Variants in NKAIN3 observed in about 807,000 individuals in gnomAD.
The protein encoded by NKAIN3 is sodium/potassium transporting ATPase interacting 3.
A neutral mutation model predicts 30.2 loss-of-function variants in NKAIN3; 25 were observed. The observed-to-expected ratio is 0.83, with a 90% CI of 0.60 to 1.16. NKAIN3 has a LOEUF of 1.16. Ranked by LOEUF, NKAIN3 falls within the 50% of genes most tolerant of loss-of-function variation. NKAIN3 has a pLI of 0.00. For missense variants in NKAIN3, 225 were observed against 254.1 expected (o/e 0.89, Z 0.78); for synonymous variants, 91 against 89.6 (o/e 1.02, Z -0.09).
At chr8:62,524,355 T>A (rs1808239249) in intron 1 of NKAIN3, among the ~76,000 whole-genome samples, 1 of 152,082 alleles carries the variant, frequency 6.6e-6, no homozygotes, top group South Asian at 2.1e-4. Context: ...ATCTCCAAAG[T>A]TTTCCACTAC....
At chr8:62,269,927 C>G (rs1812729854) in intron 1 of NKAIN3, among the ~76,000 whole-genome samples, 1 of 152,114 alleles carries the variant, frequency 6.6e-6, no homozygotes. Context: ...CTAAAAATTT[C>G]CATGTACTTT....
intron 1 of NKAIN3, among the ~76,000 whole-genome samples, chr8:62,459,045 T>C (rs1805905493): frequency 7.5e-6 from 1 of 134,050 alleles, no homozygotes; most frequent in Non-Finnish European, 1.6e-5. Flanking sequence ...AGAGTTTATG[T>C]GTGTGTTGTC....
chr8:62,378,345 A>G (rs992878589), intron 1 of NKAIN3, among the ~76,000 whole-genome samples: 1 of 152,240 alleles, frequency 6.6e-6, no homozygotes, highest in Non-Finnish European at 1.5e-5. Flanking sequence ...ATGCAGTAGA[A>G]AAGACAAACC....
intron 4 of NKAIN3, among the ~76,000 whole-genome samples, chr8:62,915,346 C>A: frequency 6.6e-6 from 1 of 152,122 alleles, no homozygotes; most frequent in East Asian, 1.9e-4. Context: ...GCATCCTTAA[C>A]AGTAGGACAG....
At chr8:62,616,832 A>T (rs962366151) in intron 3 of NKAIN3, among the ~76,000 whole-genome samples, 1 of 152,058 alleles carries the variant, frequency 6.6e-6, no homozygotes, top group African/African-American at 2.4e-5. Flanking sequence ...ATTAAAATAA[A>T]CTCGGCAATA....
intron 4 of NKAIN3, among the ~76,000 whole-genome samples, chr8:62,846,013 G>A: frequency 6.6e-6 from 1 of 152,164 alleles, no homozygotes; most frequent in East Asian, 1.9e-4. Flanking sequence ...AATTCAGAAT[G>A]TCAAGTTTCT....
At chr8:62,717,837 C>A (rs1814956455) in intron 3 of NKAIN3, among the ~76,000 whole-genome samples, 1 of 152,052 alleles carries the variant, frequency 6.6e-6, no homozygotes, top group Non-Finnish European at 1.5e-5. Context: ...AACATGACTG[C>A]CTTTAGGTTA....
intron 3 of NKAIN3, among the ~76,000 whole-genome samples, chr8:62,677,020 A>G (rs1813498996): frequency 6.6e-6 from 1 of 152,090 alleles, no homozygotes; most frequent in Non-Finnish European, 1.5e-5. Context: ...CACCGGCCCA[A>G]TATAGAAATT....
At position 62,345,542 on chromosome 8, in the gene NKAIN3, T is replaced by C. The variant is rs956246557; in HGVS notation, c.54+96415T>C. Reference sequence around the variant, plus strand: ...ATATATGTATATATACACACATATATACACATATATGTATATATACACATA... The same window carrying C: ...ATATATGTATATATACACACATATACACACATATATGTATATATACACATA... On this transcript the variant is annotated intron_variant, in intron 1 of 6. Coordinates refer to ENST00000623646, the MANE Select transcript of NKAIN3 (RefSeq NM_001304533.3). 7.5e-4 allele frequency among the ~76,000 whole-genome samples: 107 copies of C among 142,768 alleles called. 1 individual carries two copies. The highest frequency in any genetic ancestry group is 3.8e-3 in the East Asian group (16 of 4,200). The allele number at this position is 142,768 out of a possible 152,430, so 93.7% of individuals were successfully genotyped here.
At chr8:62,267,995 A>T (rs545313666) in intron 1 of NKAIN3, among the ~76,000 whole-genome samples, 1 of 152,188 alleles carries the variant, frequency 6.6e-6, no homozygotes, top group Non-Finnish European at 1.5e-5. Flanking sequence ...TAAAAAATCT[A>T]ATTTCTTAAC....
At chr8:62,927,608 T>C (rs1207700938) in intron 5 of NKAIN3, among the ~76,000 whole-genome samples, 1 of 152,180 alleles carries the variant, frequency 6.6e-6, no homozygotes, top group Non-Finnish European at 1.5e-5. Context: ...ACTATGTACA[T>C]CTATTATGCC....
chr8:62,889,832 G>T (rs1586314494), intron 4 of NKAIN3, among the ~76,000 whole-genome samples: 1 of 152,138 alleles, frequency 6.6e-6, no homozygotes, highest in Non-Finnish European at 1.5e-5. Context: ...ACATTGGGAT[G>T]AGCGTGGCAT....
At position 62,870,482 on chromosome 8, in the gene NKAIN3, A is replaced by T. The variant is rs561940120; in HGVS notation, c.472-47971A>T. ...TGTATATACATATATATTGTATATA[A>T]TGTACAATAAGTACAATATATACAA... On this transcript the variant is annotated intron_variant, in intron 4 of 6. Transcript: ENST00000623646. 1.8e-4 allele frequency among the ~76,000 whole-genome samples: 25 copies of T among 137,200 alleles called. No homozygotes were observed. The East Asian group carries it at 4.6e-3, about 25-fold the overall frequency. The allele number at this position is 137,200 out of a possible 152,430, so 90.0% of individuals were successfully genotyped here.
Position 62,984,324 on chromosome 8 carries a change from A to C in NKAIN3, c.*18917A>C, listed in dbSNP as rs1824154090. 6.6e-6 allele frequency: 1 copy of C among 152,240 alleles called. No individual in the cohort carries two copies. The highest frequency in any genetic ancestry group is 6.5e-5 in the Admixed American group (1 of 15,284). 9.4% of individuals were successfully genotyped at this position (152,240 alleles called of 1,614,324 possible). ...TGCTGGTAAGAGGGACAGAAAGACA[A>C]GAACATAGTACCTTCTATTTCTACT... On this transcript the variant is annotated 3_prime_UTR_variant, in exon 7 of 7. Transcript: ENST00000623646.
chr8:62,661,425 T>C (rs774034272), intron 3 of NKAIN3, among the ~76,000 whole-genome samples: 1 of 152,218 alleles, frequency 6.6e-6, no homozygotes, highest in African/African-American at 2.4e-5. Flanking sequence ...ATAAAGAGCA[T>C]TTTTTAATTT....
chr8:62,698,600 C>T (rs897156467), intron 3 of NKAIN3, among the ~76,000 whole-genome samples: 3 of 152,140 alleles, frequency 2.0e-5, no homozygotes, highest in Non-Finnish European at 2.9e-5. Context: ...CTCAGAATTA[C>T]GCTACATATA....
At chr8:62,537,245 G>C (rs1302684889) in intron 1 of NKAIN3, among the ~76,000 whole-genome samples, 1 of 152,150 alleles carries the variant, frequency 6.6e-6, no homozygotes, top group East Asian at 1.9e-4. Flanking sequence ...TATTGGTGTG[G>C]CTCAGGAACA....
intron 4 of NKAIN3, among the ~76,000 whole-genome samples, chr8:62,889,844 AC>A (rs760366606): frequency 3.3e-5 from 5 of 152,148 alleles, no homozygotes; most frequent in Non-Finnish European, 5.9e-5. Flanking sequence ...GCGTGGCATA[AC>A]TTTTAATTAG....
intron 4 of NKAIN3, among the ~76,000 whole-genome samples, chr8:62,811,990 A>C (rs1818502652): frequency 6.6e-6 from 1 of 151,946 alleles, no homozygotes; most frequent in African/African-American, 2.4e-5. Flanking sequence ...TTTACATTTA[A>C]GTCCATGATT....
Sources: gnomAD v4.1 joint callset for allele counts (sites outside exome capture counted in the v4.1 genomes callset) on GRCh38, gnomAD v4.1.1 for gene constraint, MANE v1.5 for transcripts, NCBI Gene and HGNC (gene_info 2026-07-23, HGNC 2026-07-21) for gene names.